MAP3K2: variants seen among roughly 807,000 people sequenced by gnomAD.
The protein encoded by MAP3K2 is MAP/ERK kinase kinase 2.
In MAP3K2, 24 loss-of-function variants were observed where a neutral mutation model predicts 80.3. The observed-to-expected ratio is 0.30, with a 90% CI of 0.22 to 0.42. The LOEUF (loss-of-function observed/expected upper bound fraction) is 0.42, where lower values mean the gene tolerates loss of function less well. MAP3K2 is among the 10% of genes least tolerant of loss of function. The pLI is 1.00. For missense variants in MAP3K2, 608 were observed against 750.1 expected (o/e 0.81, Z 2.21); for synonymous variants, 244 against 253.7 (o/e 0.96, Z 0.36).
intron 1 of MAP3K2, among the ~76,000 whole-genome samples, chr2:127,347,495 A>C (rs186929847): frequency 2.1e-4 from 32 of 151,798 alleles, no homozygotes; most frequent in African/African-American, 5.6e-4. Flanking sequence ...CAATACCACC[A>C]AAAAAAATAA....
chr2:127,359,426 T>C (rs1441730235), intron 1 of MAP3K2, among the ~76,000 whole-genome samples: 1 of 152,188 alleles, frequency 6.6e-6, no homozygotes, highest in Non-Finnish European at 1.5e-5. Flanking sequence ...AAAATGAGAT[T>C]TGAAAAGACA....
At chr2:127,374,751 T>C (rs1254847563) in intron 1 of MAP3K2, among the ~76,000 whole-genome samples, 2 of 152,208 alleles carry the variant, frequency 1.3e-5, no homozygotes, top group African/African-American at 4.8e-5. Context: ...CTTTTGCATT[T>C]ATGGGACGGC....
intron 1 of MAP3K2, among the ~76,000 whole-genome samples, chr2:127,386,359 C>T (rs900605336): frequency 6.6e-6 from 1 of 152,172 alleles, no homozygotes; most frequent in African/African-American, 2.4e-5. Context: ...GAAAAAGAAT[C>T]ACACCATCAA....
At position 127,307,831 on chromosome 2, in the gene MAP3K2, T is replaced by C. The variant is rs1215317852; in HGVS notation, c.1635-27A>G. On this transcript the variant is annotated intron_variant, in intron 16 of 16. Transcript: ENST00000682094. This position sits in a 1 kb window ranked among gnomAD's most constrained non-coding sequence, Gnocchi z 5.4. ...TGAAAAGAAACAAAAAGAAATACAT[T>C]ACACAAACAACAACATGAAAGAAAG... The C allele has an allele frequency of 3.4e-6, 5 of 1,461,108 alleles. No individual in the cohort carries two copies. The East Asian group carries it at 7.3e-5, about 21-fold the overall frequency. 90.5% of individuals were successfully genotyped at this position (1,461,108 alleles called of 1,614,324 possible).
intron 5 of MAP3K2, among the ~76,000 whole-genome samples, chr2:127,333,944 C>T (rs993841565): frequency 1.3e-5 from 2 of 152,038 alleles, no homozygotes; most frequent in African/African-American, 4.8e-5. Flanking sequence ...ACCAAAAATA[C>T]AAAAATTATC....
At chr2:127,353,103 C>T (rs1165493828) in intron 1 of MAP3K2, among the ~76,000 whole-genome samples, 3 of 152,132 alleles carry the variant, frequency 2.0e-5, no homozygotes, top group Non-Finnish European at 4.4e-5. Context: ...GAGATTGCAG[C>T]CTCTGCCCAG....
chr2:127,330,075 CT>C, intron 6 of MAP3K2, 67 bp from the exon 7 acceptor site: 1 of 865,908 alleles, frequency 1.2e-6, no homozygotes, highest in Non-Finnish European at 1.9e-6. Flanking sequence ...ATCCTCTCCC[CT>C]ACCAAGTACA....
chr2:127,370,186 T>C (rs1303248330), intron 1 of MAP3K2, among the ~76,000 whole-genome samples: 1 of 152,204 alleles, frequency 6.6e-6, no homozygotes, highest in Admixed American at 6.5e-5. Flanking sequence ...TGTCATTAAA[T>C]CTATACTGAA....
intron 15 of MAP3K2, among the ~76,000 whole-genome samples, chr2:127,312,044 G>C (rs1685817077): frequency 6.6e-6 from 1 of 152,182 alleles, no homozygotes. Flanking sequence ...TTGGAGGCGT[G>C]ATCAGATTCA....
chr2:127,311,350 A>G (rs940092383), intron 15 of MAP3K2, among the ~76,000 whole-genome samples: 6 of 152,216 alleles, frequency 3.9e-5, no homozygotes, highest in African/African-American at 1.4e-4. Context: ...GGCTACAAGC[A>G]GGGCTCTGAT....
intron 1 of MAP3K2, among the ~76,000 whole-genome samples, chr2:127,383,092 T>A (rs1402920439): frequency 1.3e-5 from 2 of 152,212 alleles, no homozygotes; most frequent in Middle Eastern, 3.4e-3. Context: ...AGTGGAGAGA[T>A]GCCACACATT....
chr2:127,358,249 A>G (rs1362212118), intron 1 of MAP3K2, among the ~76,000 whole-genome samples: 1 of 152,374 alleles, frequency 6.6e-6, no homozygotes, highest in East Asian at 1.9e-4. Flanking sequence ...ATGCAAACCA[A>G]AACTACAAGA....
At chr2:127,388,145 C>T (rs144512573), upstream of MAP3K2, 48,085 of 985,040 alleles carry the variant, frequency 0.049, 1,360 homozygotes, top group African/African-American at 0.12. Flanking sequence ...ACCGGCCGGA[C>T]GGCGCGGGGA....
intron 1 of MAP3K2, among the ~76,000 whole-genome samples, chr2:127,371,079 A>C (rs1403648578): frequency 2.6e-5 from 4 of 152,240 alleles, no homozygotes; most frequent in African/African-American, 9.6e-5. Context: ...ATAAAAAGCT[A>C]AGAAAAAGCA....
chr2:127,367,272 T>C (rs1465073408), intron 1 of MAP3K2, among the ~76,000 whole-genome samples: 1 of 152,206 alleles, frequency 6.6e-6, no homozygotes, highest in Non-Finnish European at 1.5e-5. Flanking sequence ...TGTTTCCTTA[T>C]AGTATCTGAG....
intron 1 of MAP3K2, among the ~76,000 whole-genome samples, chr2:127,362,552 A>G (rs915787168): frequency 2.0e-5 from 3 of 152,224 alleles, no homozygotes; most frequent in African/African-American, 7.2e-5. Flanking sequence ...GAAAGAAGGT[A>G]GCTCTTAGAA....
In MAP3K2 at chr2:127,321,096, A is replaced by G. The variant is rs1269977063; in HGVS notation, c.1045+950T>C. On this transcript the variant is annotated intron_variant, in intron 12 of 16. Coordinates refer to ENST00000682094, the MANE Select transcript of MAP3K2 (RefSeq NM_001371910.2). This position sits in a 1 kb window ranked among gnomAD's most constrained non-coding sequence, Gnocchi z 4.4. ...GATTGCACCACAGCCTGAGTGACAGAGTGAGATCCTGTTTCAAAAATGAAG... is the reference window on the plus strand; with the variant it reads ...GATTGCACCACAGCCTGAGTGACAGGGTGAGATCCTGTTTCAAAAATGAAG... 6.6e-6 allele frequency among the ~76,000 whole-genome samples: 1 copy of G among 152,206 alleles called. No homozygotes were observed. Among genetic ancestry groups the G allele is most frequent in the Admixed American group, 6.5e-5 (1 of 15,282 alleles).
chr2:127,385,625 G>A (rs1022793700), intron 1 of MAP3K2, among the ~76,000 whole-genome samples: 33 of 152,154 alleles, frequency 2.2e-4, no homozygotes, highest in African/African-American at 7.7e-4. Context: ...AATCTAGAGG[G>A]TCAAGATACA....
chr2:127,308,844 C>T (rs1685757368), intron 15 of MAP3K2, 82 bp from the exon 16 acceptor site: 1 of 1,377,286 alleles, frequency 7.3e-7, no homozygotes, highest in African/African-American at 1.4e-5. Context: ...CAGAGAATTA[C>T]TTCATAGACT....
Sources: allele counts gnomAD v4.1 joint callset (sites outside exome capture counted in the v4.1 genomes callset), GRCh38; gene constraint gnomAD v4.1.1; non-coding constraint Gnocchi (gnomAD v3.1); transcripts MANE v1.5; gene names NCBI Gene and HGNC (gene_info 2026-07-23, HGNC 2026-07-21).